TSPEAR: variants seen among roughly 807,000 people sequenced by gnomAD.
The protein encoded by TSPEAR is thrombospondin type laminin G domain and EAR repeats.
Under a neutral mutation model 71.6 loss-of-function variants are expected in TSPEAR, and 69 were observed. The ratio of observed to expected loss-of-function variants is 0.96; its 90% CI spans 0.79 to 1.18. TSPEAR has a LOEUF of 1.18. Among genes scored for constraint, TSPEAR ranks in the 50% most tolerant of loss-of-function variants. TSPEAR has a pLI of 0.00. For missense variants in TSPEAR, 971 were observed against 894.9 expected, an observed-to-expected ratio of 1.09 and a Z score of -1.09; for synonymous variants, 402 against 387.2, an observed-to-expected ratio of 1.04 and a Z score of -0.45.
rs141490567 is a variant in TSPEAR at position 44,610,808 on chromosome 21, C to T, written c.83-42803G>A. On this transcript the variant is annotated intron_variant, in intron 1 of 11. Transcript: ENST00000323084. ...GCAAAGCCACAGGGGTGGAGCTGTC[C>T]GAGACCATGGGAACCCACCTCTTGC... Among the ~76,000 whole-genome samples, 785 of 152,282 alleles carry T rather than the reference C, an allele frequency of 5.2e-3. 6 individuals carry two copies. Among genetic ancestry groups the T allele is most frequent in the African/African-American group, 0.018 (739 of 41,540 alleles).
intron 1 of TSPEAR, among the ~76,000 whole-genome samples, chr21:44,624,929 A>G (rs1982671721): frequency 6.6e-6 from 1 of 152,182 alleles, no homozygotes; most frequent in African/African-American, 2.4e-5. Flanking sequence ...GCCCTCAAAT[A>G]GAGATTTTGT....
intron 2 of TSPEAR, among the ~76,000 whole-genome samples, chr21:44,540,416 C>T (rs904742188): frequency 2.0e-5 from 3 of 152,128 alleles, no homozygotes; most frequent in East Asian, 3.9e-4. Flanking sequence ...TGTAGCCTGT[C>T]CCATGTGGAT....
chr21:44,637,806 C>A (rs782358517), intron 1 of TSPEAR: 1 of 1,368,860 alleles, frequency 7.3e-7, no homozygotes, highest in South Asian at 1.3e-5. Flanking sequence ...TGCCAGCAGT[C>A]TAGCTGCCAG....
At chr21:44,624,120 C>T (rs1008865964) in intron 1 of TSPEAR, among the ~76,000 whole-genome samples, 9 of 152,170 alleles carry the variant, frequency 5.9e-5, no homozygotes, top group African/African-American at 1.9e-4. Context: ...CATCTCTGTA[C>T]TCAGGGCTGA....
intron 1 of TSPEAR, among the ~76,000 whole-genome samples, chr21:44,682,316 G>A (rs572180996): frequency 2.6e-5 from 4 of 152,248 alleles, no homozygotes; most frequent in Admixed American, 2.6e-4. Context: ...TTTTTATCTG[G>A]CCCTTTGTTT....
At chr21:44,708,878 G>C (rs782103184) in intron 1 of TSPEAR, among the ~76,000 whole-genome samples, 4 of 152,246 alleles carry the variant, frequency 2.6e-5, no homozygotes, top group African/African-American at 9.6e-5. Flanking sequence ...CATCCCGGGT[G>C]GGGGCACGGC....
chr21:44,548,072 G>A (rs587667872), intron 2 of TSPEAR, among the ~76,000 whole-genome samples: 1 of 152,318 alleles, frequency 6.6e-6, no homozygotes, highest in South Asian at 2.1e-4. Context: ...GGCATTGACT[G>A]TTTAATGTTC....
chr21:44,646,002 G>C (rs587665417), intron 1 of TSPEAR, among the ~76,000 whole-genome samples: 2 of 151,626 alleles, frequency 1.3e-5, no homozygotes, highest in Admixed American at 6.6e-5. Context: ...CAGCGTGCCT[G>C]TAATCCCAGC....
chr21:44,557,779 A>G, intron 2 of TSPEAR: 1 of 517,300 alleles, frequency 1.9e-6, no homozygotes, highest in Non-Finnish European at 3.4e-6. Context: ...ATATGCAAAA[A>G]AGACCTCTGA....
intron 2 of TSPEAR, among the ~76,000 whole-genome samples, chr21:44,555,655 C>CT (rs202235820): frequency 0.035 from 5,287 of 152,054 alleles, 277 homozygotes; most frequent in African/African-American, 0.12. Context: ...GTCCCCCACC[C>CT]CGGCCACACA....
At chr21:44,665,517 T>C (rs1487915532) in intron 1 of TSPEAR, among the ~76,000 whole-genome samples, 1 of 152,228 alleles carries the variant, frequency 6.6e-6, no homozygotes, top group Admixed American at 6.5e-5. Flanking sequence ...TTCCTTTTCA[T>C]ATCACCAGAA....
rs1408279122 is a variant in TSPEAR, at chr21:44,567,949, C to T, written c.139G>A (p.Gly47Arg). 7.0e-6 allele frequency: 11 copies of T among 1,579,200 alleles called. No individual in the cohort carries two copies. The highest frequency in any genetic ancestry group is 1.4e-5 in the African/African-American group (1 of 74,036). Residue 47 changes from glycine to arginine, a missense_variant, in exon 2 of 12, where the codon GGG (glycine) becomes AGG (arginine). Physicochemically the swap from Gly to Arg is moderately radical, Grantham distance 125 (BLOSUM62 -2). Transcript: ENST00000323084. ...CCGTGAACCTGAACTATCCTGATCCCGCTTGTGGCGCCATCAGAAGGGACC... is the reference window on the plus strand; with the variant it reads ...CCGTGAACCTGAACTATCCTGATCCTGCTTGTGGCGCCATCAGAAGGGACC... ...EVVPSDGATSGIRIVQVHGAR... is the reference protein window; with the variant it reads ...EVVPSDGATSRIRIVQVHGAR...
At chr21:44,550,863 A>C in intron 2 of TSPEAR, 1 of 1,534,408 alleles carries the variant, frequency 6.5e-7, no homozygotes, top group Non-Finnish European at 8.9e-7. Context: ...GCAAACAGGT[A>C]CACAGCAGAT....
chr21:44,502,697 G>A (rs1240362827), intron 11 of TSPEAR, among the ~76,000 whole-genome samples: 2 of 152,276 alleles, frequency 1.3e-5, no homozygotes, highest in Admixed American at 6.5e-5. Flanking sequence ...GATCCCACAC[G>A]GGTGCAGCCA....
rs1309687385 is a variant in TSPEAR, at chr21:44,506,432, C to T, written c.1755-1551G>A. 3.3e-5 allele frequency among the ~76,000 whole-genome samples: 5 copies of T among 152,244 alleles called. No individual in the cohort carries two copies. Among genetic ancestry groups the T allele is most frequent in the Non-Finnish European group, 7.3e-5 (5 of 68,042 alleles). The stretch of plus-strand genomic sequence containing the variant: ...GTGGCCAGTTCAGGCAGCAGAGGGG[C>T]CTCATCCCGGTGCTTCCCTGCAGGC... On this transcript the variant is annotated intron_variant, in intron 10 of 11. Coordinates refer to ENST00000323084, the MANE Select transcript of TSPEAR (RefSeq NM_144991.3). The surrounding 1 kb of genome is among the most constrained non-coding windows in gnomAD (Gnocchi z 4.2).
chr21:44,550,821 G>C, intron 2 of TSPEAR: 1 of 1,535,666 alleles, frequency 6.5e-7, no homozygotes, highest in Non-Finnish European at 8.8e-7. Flanking sequence ...CTGGCAGCTA[G>C]ACTGCTGGCA....
chr21:44,704,678 T>C (rs1352072910), intron 1 of TSPEAR, among the ~76,000 whole-genome samples: 2 of 152,086 alleles, frequency 1.3e-5, no homozygotes, highest in African/African-American at 4.8e-5. Flanking sequence ...CACAGGAAAT[T>C]TCCAGAAGTC....
At chr21:44,675,906 C>A in intron 1 of TSPEAR, 2 of 757,480 alleles carry the variant, frequency 2.6e-6, no homozygotes, top group Non-Finnish European at 4.9e-6. Flanking sequence ...GTGCCTACGG[C>A]GCTGGCATAT....
intron 1 of TSPEAR, among the ~76,000 whole-genome samples, chr21:44,615,677 C>T (rs587764852): frequency 1.3e-5 from 2 of 152,126 alleles, no homozygotes; most frequent in African/African-American, 4.8e-5. Flanking sequence ...CTTTCTCCCG[C>T]CTGCCCACAG....
Sources: gnomAD v4.1 joint callset for allele counts (sites outside exome capture counted in the v4.1 genomes callset) on GRCh38, gnomAD v4.1.1 for gene constraint, Gnocchi (gnomAD v3.1) non-coding constraint, MANE v1.5 for transcripts, NCBI Gene and HGNC (gene_info 2026-07-23, HGNC 2026-07-21) for gene names.